The following CTIF variants were observed in gnomAD, a reference collection of about 807,000 sequenced individuals.
The protein encoded by CTIF is cap binding complex dependent translation initiation factor.
CTIF carries 21 observed loss-of-function variants against 66.0 expected under a neutral mutation model. That is an observed-to-expected ratio of 0.32 (90% confidence interval 0.23 to 0.46). The LOEUF is 0.46. CTIF is among the 20% of genes least tolerant of loss of function. CTIF has a pLI of 1.00. For synonymous variants in CTIF, 345 were observed against 326.4 expected (o/e 1.06, Z -0.62); for missense variants, 739 against 812.7 (o/e 0.91, Z 1.10).
At chr18:48,856,414 T>A (rs1409222960) in intron 10 of CTIF, among the ~76,000 whole-genome samples, 1 of 152,140 alleles carries the variant, frequency 6.6e-6, no homozygotes, top group South Asian at 2.1e-4. Flanking sequence ...CTATGTAATA[T>A]CCAGGAGAAT....
At chr18:48,846,855 A>C (rs936829667) in intron 10 of CTIF, among the ~76,000 whole-genome samples, 1 of 151,636 alleles carries the variant, frequency 6.6e-6, no homozygotes, top group South Asian at 2.1e-4. Context: ...GGATGGGTGG[A>C]TGGATGGATG....
chr18:48,561,190 A>G (rs2089150872), intron 1 of CTIF, among the ~76,000 whole-genome samples: 1 of 130,846 alleles, frequency 7.6e-6, no homozygotes, highest in African/African-American at 2.8e-5. Context: ...GTGAGCCAAG[A>G]TTGTGCCACT....
intron 7 of CTIF, among the ~76,000 whole-genome samples, chr18:48,749,577 C>A (rs913104221): frequency 6.6e-6 from 1 of 152,186 alleles, no homozygotes; most frequent in African/African-American, 2.4e-5. Flanking sequence ...TGCTCTGTTG[C>A]TTGGAAAACC....
At chr18:48,631,389 C>T (rs1304686855) in intron 2 of CTIF, among the ~76,000 whole-genome samples, 1 of 151,558 alleles carries the variant, frequency 6.6e-6, no homozygotes, top group Non-Finnish European at 1.5e-5. Context: ...TTGCTTGAGC[C>T]CCAGAGGGGA....
intron 9 of CTIF, among the ~76,000 whole-genome samples, chr18:48,774,476 G>A (rs553986959): frequency 6.6e-6 from 1 of 151,102 alleles, no homozygotes; most frequent in East Asian, 1.9e-4. Flanking sequence ...CGGCCTCTTT[G>A]GGGGGGACAG....
rs867533289 is a variant in CTIF, at chr18:48,728,491, A to G, written c.584+16796A>G. Among the ~76,000 whole-genome samples the G allele has an allele frequency of 2.0e-5, 3 of 152,230 alleles. No individual in the cohort carries two copies. The South Asian group carries it at 6.2e-4, about 31-fold the overall frequency. On this transcript the variant is annotated intron_variant, in intron 7 of 11. Coordinates refer to ENST00000256413, the MANE Select transcript of CTIF (RefSeq NM_014772.3). Reference sequence around the variant, plus strand: ...TGACGGTCAAGCATCCAGAAGCTATATAGCTGGGGAGTTCTGGCTCAGGGT... The same window carrying G: ...TGACGGTCAAGCATCCAGAAGCTATGTAGCTGGGGAGTTCTGGCTCAGGGT...
At chr18:48,692,337 CAA>C (rs11320556) in intron 6 of CTIF, among the ~76,000 whole-genome samples, 7 of 139,714 alleles carry the variant, frequency 5.0e-5, no homozygotes, top group African/African-American at 1.1e-4. Context: ...AAACAAAAAA[CAA>C]AAAAAAAAAA....
At chr18:48,730,064 G>C (rs531445515) in intron 7 of CTIF, among the ~76,000 whole-genome samples, 7 of 152,152 alleles carry the variant, frequency 4.6e-5, no homozygotes, top group Admixed American at 3.9e-4. Context: ...CAGTCACCAC[G>C]AGCTGCCTGT....
chr18:48,852,532 G>T (rs1249926068), intron 10 of CTIF, among the ~76,000 whole-genome samples: 1 of 152,192 alleles, frequency 6.6e-6, no homozygotes, highest in Non-Finnish European at 1.5e-5. Flanking sequence ...AGATGAGGGA[G>T]ACCGTTGCCT....
rs1020290214 is a variant in CTIF, at chr18:48,861,401, A to G, written c.*1842A>G. On this transcript the variant is annotated 3_prime_UTR_variant, in exon 12 of 12. Transcript: ENST00000256413. ...CCCAGACTTTCTCAAGCTCCTCCTCACTGCCCTTCCTCCCCAGCCCAGCCT... is the reference window on the plus strand; with the variant it reads ...CCCAGACTTTCTCAAGCTCCTCCTCGCTGCCCTTCCTCCCCAGCCCAGCCT... 3.5e-4 allele frequency: 53 copies of G among 152,588 alleles called. 1 individual carries two copies. Among genetic ancestry groups the G allele is most frequent in the African/African-American group, 1.3e-3 (53 of 41,358 alleles). 9.5% of individuals were successfully genotyped at this position (152,588 alleles called of 1,614,324 possible).
intron 7 of CTIF, among the ~76,000 whole-genome samples, chr18:48,754,930 C>T (rs956372498): frequency 6.6e-6 from 1 of 152,244 alleles, no homozygotes; most frequent in Non-Finnish European, 1.5e-5. Flanking sequence ...GACCACTAGC[C>T]ATATAGCAAT....
chr18:48,597,609 C>G (rs1212707792), intron 1 of CTIF, among the ~76,000 whole-genome samples: 5 of 148,910 alleles, frequency 3.4e-5, no homozygotes, highest in Admixed American at 3.3e-4. Flanking sequence ...GACGTGCCTG[C>G]TTTCACTTTG....
chr18:48,659,311 G>A (rs888699623), intron 3 of CTIF, among the ~76,000 whole-genome samples: 1 of 152,240 alleles, frequency 6.6e-6, no homozygotes, highest in South Asian at 2.1e-4. Flanking sequence ...TCTTCATGGC[G>A]ATCTCCTTCC....
At chr18:48,748,063 G>T (rs1011615256) in intron 7 of CTIF, among the ~76,000 whole-genome samples, 1 of 152,044 alleles carries the variant, frequency 6.6e-6, no homozygotes, top group African/African-American at 2.4e-5. Flanking sequence ...GGACTTTGAC[G>T]AATTAAAATG....
intron 1 of CTIF, among the ~76,000 whole-genome samples, chr18:48,612,543 C>G (rs770465494): frequency 4.6e-5 from 7 of 152,232 alleles, no homozygotes; most frequent in African/African-American, 7.2e-5. Context: ...TGGAGAGCAA[C>G]CTGGGAGCAC....
In CTIF at chr18:48,860,045, G is replaced by A. The variant is rs953836013; in HGVS notation, c.*486G>A. On this transcript the variant is annotated 3_prime_UTR_variant, in exon 12 of 12. Coordinates refer to ENST00000256413, the MANE Select transcript of CTIF (RefSeq NM_014772.3). ...CCGCAGTCGCCAACTGGCAGCAGGC[G>A]ACGTGTAGCAGATGTCCGGGAGGAC... The A allele has an allele frequency of 3.7e-5, 16 of 430,270 alleles. No individual in the cohort carries two copies. Among genetic ancestry groups the A allele is most frequent in the African/African-American group, 6.0e-5 (3 of 49,860 alleles). 26.7% of individuals were successfully genotyped at this position (430,270 alleles called of 1,614,324 possible).
At chr18:48,802,148 A>C (rs917159319) in intron 9 of CTIF, among the ~76,000 whole-genome samples, 1 of 152,238 alleles carries the variant, frequency 6.6e-6, no homozygotes, top group Non-Finnish European at 1.5e-5. Flanking sequence ...AGATGGGGAC[A>C]CAGAGTCACA....
At chr18:48,670,183 A>C (rs963157969) in intron 5 of CTIF, among the ~76,000 whole-genome samples, 2 of 152,134 alleles carry the variant, frequency 1.3e-5, no homozygotes, top group Non-Finnish European at 2.9e-5. Context: ...GCCCACTCAC[A>C]GAGGACATGA....
At chr18:48,684,669 T>G (rs555928142) in intron 6 of CTIF, among the ~76,000 whole-genome samples, 3 of 152,332 alleles carry the variant, frequency 2.0e-5, no homozygotes, top group African/African-American at 7.2e-5. Flanking sequence ...TTGCAAAAAT[T>G]CAGATTCACA....
Sources: gnomAD v4.1 joint callset for allele counts (sites outside exome capture counted in the v4.1 genomes callset) on GRCh38, gnomAD v4.1.1 for gene constraint, MANE v1.5 for transcripts, NCBI Gene and HGNC (gene_info 2026-07-23, HGNC 2026-07-21) for gene names.